The following TTN variants were observed in gnomAD, a reference collection of about 807,000 sequenced individuals.
The protein encoded by TTN is titin, also known as connectin.
Under a neutral mutation model 3,223.0 loss-of-function variants are expected in TTN, and 1,525 were observed. The ratio of observed to expected loss-of-function variants is 0.47; its 90% CI spans 0.45 to 0.49. The LOEUF is 0.49. Ranked by LOEUF, TTN falls within the 20% of genes least tolerant of loss-of-function variation. The pLI, the probability that TTN is intolerant of heterozygous loss-of-function variation, is 0.00. For synonymous variants in TTN, 14,094 were observed against 15,161.0 expected, an observed-to-expected ratio of 0.93 and a Z score of 5.17; for missense variants, 40,786 against 43,424.0, an observed-to-expected ratio of 0.94 and a Z score of 5.40.
intron 209 of TTN, 144 bp from the exon 210 acceptor site, chr2:178,650,415 T>A (rs1439963308): frequency 4.5e-6 from 4 of 881,896 alleles, no homozygotes; most frequent in Non-Finnish European, 5.1e-6. Flanking sequence ...ATAAAATCTA[T>A]CTCATTTGCA....
chr2:178,759,568 TG>T (rs1406321966), intron 43 of TTN, among the ~76,000 whole-genome samples: 6 of 152,164 alleles, frequency 3.9e-5, no homozygotes, highest in African/African-American at 1.4e-4. Context: ...AGTTGCCTTC[TG>T]GGACAGGAAA....
At chr2:178,616,694 A>C (rs1559832251) in intron 256 of TTN, 35 bp downstream of exon 256, 1 of 1,611,934 alleles carries the variant, frequency 6.2e-7, no homozygotes, top group Non-Finnish European at 8.5e-7. Flanking sequence ...TAATACTGCC[A>C]AATCACCTTA....
At position 178,548,497 on chromosome 2, in the gene TTN, G is replaced by A. The variant is rs758336721; in HGVS notation, c.93129C>T (p.Asp31043=). 2.2e-5 allele frequency: 35 copies of A among 1,613,836 alleles called. No individual in the cohort carries two copies. The Admixed American group carries it at 2.3e-4, about 11-fold the overall frequency. Residue 31043 remains aspartate (D), a synonymous_variant, in exon 339 of 363, where the codon GAC becomes GAT. Coordinates refer to ENST00000589042, the MANE Select transcript of TTN (RefSeq NM_001267550.2). The surrounding 1 kb of genome is among the most constrained non-coding windows in gnomAD (Gnocchi z 4.3). ...CATAATGATGGATTCGGGCACCACC[G>A]TCAAGAAGAGGGGCATCCCACATCA... The part of the protein sequence containing the change: ...ATLMWDAPLL[D]GGARIHHYVV...
rs373443384 is a variant in TTN at position 178,785,839 on chromosome 2, T to C, written c.2370+9A>G. The stretch of plus-strand genomic sequence containing the variant: ...GAACAAGGTGAAAAATCAGCAGGTA[T>C]AGACTCACCTGTGATGATATGTGCA... On this transcript the variant is annotated intron_variant, in intron 14 of 362. Coordinates refer to ENST00000589042, the MANE Select transcript of TTN (RefSeq NM_001267550.2). 2.4e-5 allele frequency: 39 copies of C among 1,614,164 alleles called. 1 individual carries two copies. In the East Asian group the frequency reaches 5.8e-4, roughly 24 times the overall value.
chr2:178,625,847 A>T (rs1323756399), intron 240 of TTN, among the ~76,000 whole-genome samples: 1 of 152,010 alleles, frequency 6.6e-6, no homozygotes, highest in South Asian at 2.1e-4. Context: ...ACCATGGAAT[A>T]CTATGCAGTT....
chr2:178,682,631 C>T, intron 135 of TTN, 66 bp downstream of exon 135: 3 of 1,370,720 alleles, frequency 2.2e-6, no homozygotes, highest in Non-Finnish European at 1.9e-6. Context: ...TATGATTTAT[C>T]TTGTTTTATC....
Position 178,534,619 on chromosome 2 carries a change from C to G in TTN, c.101996G>C (p.Trp33999Ser). 6.2e-7 allele frequency: 1 copy of G among 1,613,690 alleles called. No individual in the cohort carries two copies. The highest frequency in any genetic ancestry group is 1.1e-5 in the South Asian group (1 of 91,052). Reference sequence around the variant, plus strand: ...CACATATACCAGTGTTCCAAGTGACCACATGTCTGTGGCTGTGCTGACAAC... The same window carrying G: ...CACATATACCAGTGTTCCAAGTGACGACATGTCTGTGGCTGTGCTGACAAC... Reference protein sequence around the residue: ...HDVVSTATDMWSLGTLVYVLL... With the variant: ...HDVVSTATDMSSLGTLVYVLL... The change falls in exon 358 of 363, where the codon TGG (tryptophan) becomes TCG (serine). Residue 33999 changes from tryptophan to serine, a missense_variant. Physicochemically the swap from Trp to Ser is radical, Grantham distance 177 (BLOSUM62 -3). Coordinates refer to ENST00000589042, the MANE Select transcript of TTN (RefSeq NM_001267550.2).
Position 178,534,634 on chromosome 2 carries a change from G to T in TTN, c.101981C>A (p.Thr33994Lys), listed in dbSNP as rs1419643205. ...TCCAAGTGACCACATGTCTGTGGCT[G>T]TGCTGACAACATCATGCTGGTGGAC... ...PEVHQHDVVS[T>K]ATDMWSLGTL... Residue 33994 changes from threonine (T) to lysine (K), a missense_variant, in exon 358 of 363, where the codon ACA becomes AAA. Coordinates refer to ENST00000589042, the MANE Select transcript of TTN (RefSeq NM_001267550.2). 7 of 1,613,598 alleles carry T rather than the reference G, an allele frequency of 4.3e-6. No homozygotes were observed. In the South Asian group the frequency reaches 7.7e-5, roughly 18 times the overall value.
rs368641171 is a variant in TTN at position 178,651,971 on chromosome 2, T to C, written c.39296-4A>G. On this transcript the variant is annotated splice_polypyrimidine_tract_variant and splice_region_variant and intron_variant, in intron 204 of 362. Transcript: ENST00000589042. ...ACTTCCTCAGGCTCCTCGAACACTT[T>C]AAAGACATGAGCTCATTTTAATGCC... 8 of 1,610,798 alleles carry C rather than the reference T, an allele frequency of 5.0e-6. No homozygotes were observed. The highest frequency in any genetic ancestry group is 1.3e-5 in the African/African-American group (1 of 74,824).
rs757347744 is a variant in TTN at position 178,764,514 on chromosome 2, G to A, written c.9988+13C>T. The A allele has an allele frequency of 1.3e-5, 21 of 1,613,744 alleles. No homozygotes were observed. Among genetic ancestry groups the A allele is most frequent in the African/African-American group, 5.3e-5 (4 of 74,902 alleles). ...GGTTTTATTTTCAGCTGGAAGTAGCGAGGCATTCCTACCTTCCACTGAGAG... is the reference window on the plus strand; with the variant it reads ...GGTTTTATTTTCAGCTGGAAGTAGCAAGGCATTCCTACCTTCCACTGAGAG... On this transcript the variant is annotated intron_variant, in intron 42 of 362. Coordinates refer to ENST00000589042, the MANE Select transcript of TTN (RefSeq NM_001267550.2).
At chr2:178,685,435 A>G in intron 128 of TTN, 83 bp downstream of exon 128, 1 of 1,487,372 alleles carries the variant, frequency 6.7e-7, no homozygotes. Flanking sequence ...TATTTGCAAT[A>G]TGGATGACAA....
chr2:178,792,623 AATCTGC>A (rs2093568090), intron 9 of TTN, among the ~76,000 whole-genome samples: 1 of 152,248 alleles, frequency 6.6e-6, no homozygotes, highest in African/African-American at 2.4e-5. Context: ...GATAATTTAT[AATCTGC>A]ATTTATACAA....
intron 13 of TTN, among the ~76,000 whole-genome samples, chr2:178,788,174 A>G (rs1337670562): frequency 2.0e-5 from 3 of 152,078 alleles, no homozygotes; most frequent in Non-Finnish European, 4.4e-5. Flanking sequence ...CCTCCATAGC[A>G]TCAGTTTTCA....
chr2:178,576,425 G>C lies in TTN; in HGVS notation c.69716-9C>G. The C allele has an allele frequency of 6.3e-7, 1 of 1,576,864 alleles. No homozygotes were observed. Among genetic ancestry groups the C allele is most frequent in the Non-Finnish European group, 8.6e-7 (1 of 1,168,922 alleles). On this transcript the variant is annotated splice_polypyrimidine_tract_variant and intron_variant, in intron 325 of 362. Coordinates refer to ENST00000589042, the MANE Select transcript of TTN (RefSeq NM_001267550.2). The surrounding 1 kb of genome is among the most constrained non-coding windows in gnomAD (Gnocchi z 4.3). ...AGGTGGTCCTGGAGGATCTGAGAAA[G>C]AAACAAAGACACAAAAGTATATATT...
intron 10 of TTN, among the ~76,000 whole-genome samples, chr2:178,791,358 T>A (rs1342816585): frequency 6.6e-6 from 1 of 152,120 alleles, no homozygotes; most frequent in Non-Finnish European, 1.5e-5. Flanking sequence ...AGCAAAGAGC[T>A]TGAGTTCAAG....
chr2:178,799,992 G>C lies in TTN; in HGVS notation c.584-82C>G, dbSNP rs570798197. On this transcript the variant is annotated intron_variant, in intron 4 of 362. Coordinates refer to ENST00000589042, the MANE Select transcript of TTN (RefSeq NM_001267550.2). ...AGATTCTGTTAATTCTGACTACAAA[G>C]TCAAAAAGATTTTCTGGATATCCCA... 2.7e-5 allele frequency: 40 copies of C among 1,470,350 alleles called. No individual in the cohort carries two copies. In the African/African-American group the frequency reaches 4.5e-4, roughly 17 times the overall value. 91.1% of individuals were successfully genotyped at this position (1,470,350 alleles called of 1,614,324 possible).
At chr2:178,721,673 GAAC>G (rs2078396672) in intron 78 of TTN, among the ~76,000 whole-genome samples, 171 bp downstream of exon 78, 1 of 152,036 alleles carries the variant, frequency 6.6e-6, no homozygotes, top group African/African-American at 2.4e-5. Flanking sequence ...CTAATGTAAA[GAAC>G]AATATAAAGA....
At position 178,732,829 on chromosome 2, in the gene TTN, C is replaced by G. The variant is rs950440116; in HGVS notation, c.16342+5G>C. The G allele has an allele frequency of 6.2e-7, 1 of 1,602,568 alleles. No homozygotes were observed. The highest frequency in any genetic ancestry group is 1.7e-4 in the Middle Eastern group (1 of 5,974). On this transcript the variant is annotated splice_donor_5th_base_variant and intron_variant, in intron 55 of 362. Transcript: ENST00000589042. ...TAAGGATAAAATGCAAAGTCTCCAGCCAACCTTGCACAATCAGGGCTCCAC... is the reference window on the plus strand; with the variant it reads ...TAAGGATAAAATGCAAAGTCTCCAGGCAACCTTGCACAATCAGGGCTCCAC...
rs752455147 is a variant in TTN, at chr2:178,768,105, T to C, written c.9214A>G (p.Lys3072Glu). The change falls in exon 39 of 363, where the codon AAG becomes GAG. Residue 3072 changes from lysine (K) to glutamate (E), a missense_variant. Physicochemically the swap from Lys to Glu is moderately conservative, Grantham distance 56 (BLOSUM62 1). Transcript: ENST00000589042. Reference sequence around the variant, plus strand: ...TCACATTCAAACATGGCTCGCTTCTTCTCCAGTACCTTAATGTCCTTAATG... The same window carrying C: ...TCACATTCAAACATGGCTCGCTTCTCCTCCAGTACCTTAATGTCCTTAATG... ...KHIKDIKVLE[K>E]KRAMFECEVS... 5 of 1,614,098 alleles carry C rather than the reference T, an allele frequency of 3.1e-6. No individual in the cohort carries two copies. The South Asian group carries it at 4.4e-5, about 14-fold the overall frequency.
Sources: allele counts gnomAD v4.1 joint callset (sites outside exome capture counted in the v4.1 genomes callset), GRCh38; gene constraint gnomAD v4.1.1; non-coding constraint Gnocchi (gnomAD v3.1); transcripts MANE v1.5; gene names NCBI Gene and HGNC (gene_info 2026-07-23, HGNC 2026-07-21).